Variants in RCCD1 observed in about 807,000 individuals in gnomAD.
RCCD1 encodes RCC1 domain containing 1.
In RCCD1, 40 loss-of-function variants were observed where a neutral mutation model predicts 37.6. The observed-to-expected ratio is 1.06, with a 90% CI of 0.83 to 1.39. The LOEUF is 1.39. Among genes scored for constraint, RCCD1 ranks in the 40% most tolerant of loss-of-function variants. The probability of loss-of-function intolerance (pLI) is 0.00; values close to 1 mark genes in which losing one functional copy is unlikely to be tolerated. For missense variants in RCCD1, 577 were observed against 517.3 expected, an observed-to-expected ratio of 1.12 and a Z score of -1.12; for synonymous variants, 263 against 230.0, an observed-to-expected ratio of 1.14 and a Z score of -1.30.
At chr15:90,957,877 T>G (rs1567168385) in intron 4 of RCCD1, 152 bp downstream of exon 4, 1 of 1,024,958 alleles carries the variant, frequency 9.8e-7, no homozygotes, top group Non-Finnish European at 1.4e-6. Flanking sequence ...CCTCTCACCC[T>G]CGGCCTCCTC....
Position 90,956,592 on chromosome 15 carries a change from A to T in RCCD1, c.-123-20A>T. On this transcript the variant is annotated intron_variant, in intron 1 of 7. Transcript: ENST00000394258. ...CTCTGCCTTTGTGGTCGGGAGAATG[A>T]TAGTTTCTCCATTTTACAGATAAGG... 1.3e-6 allele frequency: 1 copy of T among 781,846 alleles called. No homozygotes were observed. Among genetic ancestry groups the T allele is most frequent in the Non-Finnish European group, 1.7e-6 (1 of 578,048 alleles). The allele number at this position is 781,846 out of a possible 1,614,324, so 48.4% of individuals were successfully genotyped here. A position where few individuals can be genotyped will look rare whatever the true frequency, so the allele number is the denominator to read the frequency against.
intron 1 of RCCD1, among the ~76,000 whole-genome samples, chr15:90,956,126 G>C (rs1183065718): frequency 6.6e-6 from 1 of 152,138 alleles, no homozygotes; most frequent in Non-Finnish European, 1.5e-5. Flanking sequence ...GATTGGCTGC[G>C]GTCCCAAGGC....
At position 90,957,192 on chromosome 15, in the gene RCCD1, C is replaced by T; in HGVS notation, c.246C>T (p.Leu82=). Residue 82 remains leucine (L), a synonymous_variant, in exon 3 of 8, where the codon CTC becomes CTT. Transcript: ENST00000394258. ...RCKDAWASEG[L]LAVLRAGPGP... ...AGGACGCGTGGGCCTCGGAGGGGCT[C>T]CTCGCGGTGCTGCGCGCCGGGCCGG... The T allele has an allele frequency of 7.2e-7, 1 of 1,392,712 alleles. No individual in the cohort carries two copies. Among genetic ancestry groups the T allele is most frequent in the Non-Finnish European group, 9.3e-7 (1 of 1,078,632 alleles). The allele number at this position is 1,392,712 out of a possible 1,614,324, so 86.3% of individuals were successfully genotyped here. A position where few individuals can be genotyped will look rare whatever the true frequency, so the allele number is the denominator to read the frequency against.
chr15:90,960,359 GAA>G lies in RCCD1; in HGVS notation c.811_812del (p.Lys271GlufsTer6), dbSNP rs1285174721. The G allele has an allele frequency of 3.7e-6, 6 of 1,612,560 alleles. No individual in the cohort carries two copies. In the South Asian group the frequency reaches 5.5e-5, roughly 15 times the overall value. On this transcript the variant is annotated frameshift_variant, in exon 6 of 8. Transcript: ENST00000394258. LOFTEE classifies it high-confidence loss of function. ...AACTGAATGAAGATGGTTCTCAGGT[GAA>G]GAGAACGGGTGGGGCTGAGGATGGA... ...TELNEDGSQV[K>X]RTGGAEDGAP...
intron 4 of RCCD1, among the ~76,000 whole-genome samples, chr15:90,958,857 C>T (rs184785917): frequency 8.6e-5 from 13 of 150,486 alleles, no homozygotes; most frequent in African/African-American, 2.0e-4. Flanking sequence ...ACTTGAGCCA[C>T]GCGTGAGTGG....
rs1285199795 is a variant in RCCD1 at position 90,961,033 on chromosome 15, G to A, written c.958G>A (p.Glu320Lys). The A allele has an allele frequency of 6.2e-7, 1 of 1,613,038 alleles. No homozygotes were observed. The highest frequency in any genetic ancestry group is 8.5e-7 in the Non-Finnish European group (1 of 1,179,812). The stretch of plus-strand genomic sequence containing the variant: ...TGTCCTTTTGCTTTCAGGAACAGGG[G>A]AGCTCTACACCTGGGGCTGGGGTAA... ...RHTAVVTRTGELYTWGWGKYG... is the reference protein window; with the variant it reads ...RHTAVVTRTGKLYTWGWGKYG... Residue 320 changes from glutamate to lysine, a missense_variant, in exon 7 of 8, where the codon GAG (glutamate) becomes AAG (lysine). Glu to Lys is a moderately conservative substitution (Grantham distance 56). Transcript: ENST00000394258.
At chr15:90,956,583 G>A (rs8041774) in intron 1 of RCCD1, 29 bp from the exon 2 acceptor site, 162,509 of 719,440 alleles carry the variant, frequency 0.23, 20,466 homozygotes, top group East Asian at 0.53. Flanking sequence ...CTTTGTGGTC[G>A]GGAGAATGAT....
At chr15:90,960,072 G>A (rs2037283433) in intron 5 of RCCD1, 74 bp downstream of exon 5, 14 of 1,268,308 alleles carry the variant, frequency 1.1e-5, no homozygotes, top group Non-Finnish European at 1.6e-5. Flanking sequence ...GCTGTATGCT[G>A]GCCTCAGAGC....
chr15:90,958,954 A>AAAAAAAAAAAAC (rs2037260603), intron 4 of RCCD1, among the ~76,000 whole-genome samples: 1 of 40,454 alleles, frequency 2.5e-5, no homozygotes, highest in African/African-American at 4.0e-4. Flanking sequence ...AAAAAAAAAC[A>AAAAAAAAAAAAC]AAAAAAAAAA....
rs774633417 is a variant in RCCD1 at position 90,960,497 on chromosome 15, AC to A, written c.949del (p.Arg317GlufsTer34). ...CGSRHTAVVT[R>X]TGELYTWGWG... ...GATCCCGGCACACAGCTGTGGTGAC[AC>A]GTGAGTGGGGCTGGGAGGCACTCTG... On this transcript the variant is annotated frameshift_variant and splice_region_variant, in exon 6 of 8. Coordinates refer to ENST00000394258, the MANE Select transcript of RCCD1 (RefSeq NM_001017919.2). LOFTEE classifies it high-confidence loss of function. The A allele has an allele frequency of 3.1e-6, 5 of 1,607,160 alleles. No individual in the cohort carries two copies. The highest frequency in any genetic ancestry group is 4.2e-6 in the Non-Finnish European group (5 of 1,179,186).
intron 5 of RCCD1, 32 bp from the exon 6 acceptor site, chr15:90,960,296 T>C: frequency 6.4e-7 from 1 of 1,567,246 alleles, no homozygotes; most frequent in Non-Finnish European, 8.7e-7. Context: ...CAGGGCTCAG[T>C]TGGTGTTCAC....
chr15:90,955,717 CAAA>C (rs1243811644), intron 1 of RCCD1: 2 of 114,894 alleles, frequency 1.7e-5, no homozygotes, highest in African/African-American at 1.3e-4. Flanking sequence ...AAAAAAAAAA[CAAA>C]CCCGCTCCAG....
At position 90,963,010 on chromosome 15, in the gene RCCD1, G is replaced by C. The variant is rs2037344713; in HGVS notation, c.*1241G>C. ...AGTTAAATTCTATTTGTGCATGTGT[G>C]TGTCTGTGGTTTAGCAAATGTTTCC... is the stretch of plus-strand genomic sequence containing the variant. On this transcript the variant is annotated 3_prime_UTR_variant, in exon 8 of 8. Coordinates refer to ENST00000394258, the MANE Select transcript of RCCD1 (RefSeq NM_001017919.2). 1 of 152,180 alleles carries C rather than the reference G, an allele frequency of 6.6e-6. No individual in the cohort carries two copies. The highest frequency in any genetic ancestry group is 1.5e-5 in the Non-Finnish European group (1 of 68,038). The allele number at this position is 152,180 out of a possible 1,614,324, so 9.4% of individuals were successfully genotyped here.
chr15:90,956,768 T>C lies in RCCD1; in HGVS notation c.34T>C (p.Phe12Leu). 1.5e-6 allele frequency: 2 copies of C among 1,334,808 alleles called. No individual in the cohort carries two copies. Among genetic ancestry groups the C allele is most frequent in the Non-Finnish European group, 1.9e-6 (2 of 1,042,098 alleles). 82.7% of individuals were successfully genotyped at this position (1,334,808 alleles called of 1,614,324 possible). A position where few individuals can be genotyped will look rare whatever the true frequency, so the allele number is the denominator to read the frequency against. Residue 12 changes from phenylalanine to leucine, a missense_variant, in exon 2 of 8, where the codon TTC becomes CTC. Physicochemically the swap from Phe to Leu is conservative, Grantham distance 22. Transcript: ENST00000394258. ...AEERPGAWFGFGFCGFGQELG... is the reference protein window; with the variant it reads ...AEERPGAWFGLGFCGFGQELG... ...GGAGCGGCCGGGGGCCTGGTTCGGC[T>C]TCGGTTTCTGCGGCTTCGGGCAGGA...
At position 90,961,007 on chromosome 15, in the gene RCCD1, T is replaced by C. The variant is rs1567169751; in HGVS notation, c.950-18T>C. On this transcript the variant is annotated intron_variant, in intron 6 of 7. Coordinates refer to ENST00000394258, the MANE Select transcript of RCCD1 (RefSeq NM_001017919.2). Reference sequence around the variant, plus strand: ...AAAGAACCGTAGTGACAACTATCGATTGTCCTTTTGCTTTCAGGAACAGGG... The same window carrying C: ...AAAGAACCGTAGTGACAACTATCGACTGTCCTTTTGCTTTCAGGAACAGGG... 6.2e-7 allele frequency: 1 copy of C among 1,613,246 alleles called. No individual in the cohort carries two copies. The highest frequency in any genetic ancestry group is 8.5e-7 in the Non-Finnish European group (1 of 1,179,690).
rs750221377 is a variant in RCCD1 at position 90,957,320 on chromosome 15, C to T, written c.374C>T (p.Pro125Leu). 2.6e-6 allele frequency: 4 copies of T among 1,540,860 alleles called. No individual in the cohort carries two copies. Among genetic ancestry groups the T allele is most frequent in the South Asian group, 2.4e-5 (2 of 83,584 alleles). ...CCCGAGGCCGAAGGGGAAGACGATCCGGCCGGTGAGGCCCAGGCTGGGAGG... is the reference window on the plus strand; with the variant it reads ...CCCGAGGCCGAAGGGGAAGACGATCTGGCCGGTGAGGCCCAGGCTGGGAGG... ...VVPEAEGEDD[P>L]AGEAQAGRLP... Residue 125 changes from proline (P) to leucine (L), a missense_variant, in exon 3 of 8, where the codon CCG (proline) becomes CTG (leucine). By Grantham distance (98) the Pro-to-Leu change is moderately conservative (BLOSUM62 -3). Transcript: ENST00000394258.
At chr15:90,961,491 C>A in intron 7 of RCCD1, 127 bp from the exon 8 acceptor site, 1 of 1,142,706 alleles carries the variant, frequency 8.8e-7, no homozygotes, top group Non-Finnish European at 1.2e-6. Context: ...GGCTCTGGGT[C>A]TCTTGGATTC....
At chr15:90,961,529 C>T in intron 7 of RCCD1, 89 bp from the exon 8 acceptor site, 2 of 1,420,118 alleles carry the variant, frequency 1.4e-6, no homozygotes, top group Non-Finnish European at 1.9e-6. Flanking sequence ...AATCCCAGCA[C>T]TTCATTTGAT....
chr15:90,956,268 G>C (rs1203096989), intron 1 of RCCD1, among the ~76,000 whole-genome samples: 1 of 152,212 alleles, frequency 6.6e-6, no homozygotes, highest in Non-Finnish European at 1.5e-5. Flanking sequence ...CTGGCTGTAT[G>C]AGTGTGTAAG....
Sources: gnomAD v4.1 joint callset for allele counts (sites outside exome capture counted in the v4.1 genomes callset) on GRCh38, gnomAD v4.1.1 for gene constraint, MANE v1.5 for transcripts, NCBI Gene and HGNC (gene_info 2026-07-23, HGNC 2026-07-21) for gene names.